MATR3: variants seen among roughly 807,000 people sequenced by gnomAD.
MATR3 encodes matrin 3, also known as matrin-3.
In MATR3, 4 loss-of-function variants were observed where a neutral mutation model predicts 85.5. The observed-to-expected ratio is 0.05, with a 90% CI of 0.02 to 0.11. The LOEUF (loss-of-function observed/expected upper bound fraction) is 0.11. MATR3 is among the 10% of genes least tolerant of loss of function. MATR3 has a pLI of 1.00. For missense variants in MATR3, 685 were observed against 1,016.1 expected, an observed-to-expected ratio of 0.67 and a Z score of 4.43; for synonymous variants, 336 against 343.1, an observed-to-expected ratio of 0.98 and a Z score of 0.23.
chr5:139,301,287 CAA>C (rs1754426402), intron 1 of MATR3, among the ~76,000 whole-genome samples: 1 of 152,076 alleles, frequency 6.6e-6, no homozygotes, highest in Non-Finnish European at 1.5e-5. Flanking sequence ...TTATGGAAGT[CAA>C]GAGAATAGGG....
chr5:139,322,681 C>T lies in MATR3; in HGVS notation c.1862C>T (p.Ser621Leu). ...GATGGTTCCCAGAAGACTGAGAGTT[C>T]AACCGAAGGTAAAGAACAAGAAGAG... ...KTDGSQKTES[S>L]TEGKEQEEKS... Residue 621 changes from serine to leucine, a missense_variant, in exon 12 of 15, where the codon TCA becomes TTA. Physicochemically the swap from Ser to Leu is moderately radical, Grantham distance 145. This residue lies in a region of MATR3 where 215 missense variants were observed against 194.7 expected (regional missense o/e 1.10). Coordinates refer to ENST00000394805, the MANE Select transcript of MATR3 (RefSeq NM_018834.6). 1.2e-6 allele frequency: 2 copies of T among 1,614,108 alleles called. No homozygotes were observed. Among genetic ancestry groups the T allele is most frequent in the Non-Finnish European group, 1.7e-6 (2 of 1,180,012 alleles).
intron 3 of MATR3, among the ~76,000 whole-genome samples, chr5:139,287,417 G>A (rs890813208): frequency 6.6e-6 from 1 of 152,198 alleles, no homozygotes; most frequent in Admixed American, 6.5e-5. Context: ...TCAGGAGTTC[G>A]AGACCAGCCT....
At chr5:139,297,309 A>G (rs1185115735) in intron 1 of MATR3, among the ~76,000 whole-genome samples, 1 of 152,230 alleles carries the variant, frequency 6.6e-6, no homozygotes, top group African/African-American at 2.4e-5. Context: ...GGTTATTCTA[A>G]GGCACAACGC....
chr5:139,311,728 A>G (rs1036202425), intron 2 of MATR3: 4 of 127,886 alleles, frequency 3.1e-5, no homozygotes, highest in African/African-American at 1.3e-4. Flanking sequence ...TAAGTCGTTA[A>G]TTGGTATTTG....
At chr5:139,277,395 T>C (rs896798558) in intron 2 of MATR3, among the ~76,000 whole-genome samples, 1 of 152,060 alleles carries the variant, frequency 6.6e-6, no homozygotes, top group Admixed American at 6.5e-5. Context: ...GGGGAGGATG[T>C]TGGGGGGCAG....
In MATR3 at chr5:139,316,072, C is replaced by A; in HGVS notation, c.1017-4C>A. 1.3e-6 allele frequency: 2 copies of A among 1,595,300 alleles called. No individual in the cohort carries two copies. The highest frequency in any genetic ancestry group is 1.7e-6 in the Non-Finnish European group (2 of 1,163,618). On this transcript the variant is annotated splice_polypyrimidine_tract_variant and splice_region_variant and intron_variant, in intron 4 of 14. Coordinates refer to ENST00000394805, the MANE Select transcript of MATR3 (RefSeq NM_018834.6). The stretch of plus-strand genomic sequence containing the variant: ...ATTTATATTTTATGTCTTCACTTTA[C>A]TAGGGGTGATCCATTCATGTTGCAG...
chr5:139,314,806 G>A, intron 3 of MATR3, 70 bp downstream of exon 3: 1 of 1,397,778 alleles, frequency 7.2e-7, no homozygotes, highest in Non-Finnish European at 1.0e-6. Context: ...GTTTTTGGGA[G>A]TTCATCATTT....
intron 2 of MATR3, chr5:139,310,031 G>A (rs1370621753): frequency 6.6e-6 from 1 of 152,150 alleles, no homozygotes; most frequent in African/African-American, 2.4e-5. Context: ...AAGCTGTTGG[G>A]ACATCATGAA....
chr5:139,321,797 G>A (rs1456260846), intron 9 of MATR3, 101 bp from the exon 10 acceptor site: 5 of 1,212,764 alleles, frequency 4.1e-6, no homozygotes, highest in Admixed American at 2.3e-5. Flanking sequence ...AAGAAAAAAA[G>A]TAATGAAAAT....
chr5:139,307,233 C>T lies in MATR3; in HGVS notation c.-177-6C>T. ...TTTATGACTAAAATTGCTTATTTTT[C>T]TACAGAGTTGTCTGCTGGTTCTCAG... On this transcript the variant is annotated splice_polypyrimidine_tract_variant and splice_region_variant and intron_variant, in intron 1 of 14. Transcript: ENST00000394805. This position sits in a 1 kb window ranked among gnomAD's most constrained non-coding sequence, Gnocchi z 4.4. 1 of 1,284,270 alleles carries T rather than the reference C, an allele frequency of 7.8e-7. No homozygotes were observed. 79.6% of individuals were successfully genotyped at this position (1,284,270 alleles called of 1,614,324 possible).
intron 12 of MATR3, 81 bp downstream of exon 12, chr5:139,323,048 G>T: frequency 7.4e-7 from 1 of 1,345,128 alleles, no homozygotes; most frequent in South Asian, 1.3e-5. Flanking sequence ...AGCAGGATCA[G>T]ATAGAATTAT....
intron 12 of MATR3, among the ~76,000 whole-genome samples, chr5:139,324,948 T>G (rs1581260466): frequency 6.6e-6 from 1 of 151,852 alleles, no homozygotes; most frequent in African/African-American, 2.4e-5. Flanking sequence ...TCCTAGCACT[T>G]TGGGAGGCCG....
At chr5:139,315,875 G>T in intron 4 of MATR3, 137 bp downstream of exon 4, 1 of 842,710 alleles carries the variant, frequency 1.2e-6, no homozygotes. Flanking sequence ...ATTCACTTTG[G>T]TTAACAATTT....
At chr5:139,300,596 C>T (rs1754387364) in intron 1 of MATR3, among the ~76,000 whole-genome samples, 2 of 152,110 alleles carry the variant, frequency 1.3e-5, no homozygotes, top group African/African-American at 4.8e-5. Flanking sequence ...TCAGATTATA[C>T]CAAATGAGAT....
At chr5:139,321,845 T>C (rs1039367628) in intron 9 of MATR3, 53 bp from the exon 10 acceptor site, 3 of 1,579,916 alleles carry the variant, frequency 1.9e-6, no homozygotes, top group South Asian at 1.1e-5. Context: ...TAAGGTTTTA[T>C]ACAATTTTGT....
intron 1 of MATR3, among the ~76,000 whole-genome samples, chr5:139,302,917 C>T (rs900229169): frequency 1.3e-5 from 2 of 152,082 alleles, no homozygotes; most frequent in Admixed American, 6.6e-5. Context: ...CTAGCTGTTG[C>T]TTGTAAGTTT....
At chr5:139,289,738 A>C (rs2151902581), upstream of MATR3, among the ~76,000 whole-genome samples, 1 of 152,318 alleles carries the variant, frequency 6.6e-6, no homozygotes, top group South Asian at 2.1e-4. Context: ...GTTGTGCTGA[A>C]GTCCCTCACG....
chr5:139,328,161 C>G (rs1581265782), intron 14 of MATR3, among the ~76,000 whole-genome samples: 1 of 150,848 alleles, frequency 6.6e-6, no homozygotes, highest in Non-Finnish European at 1.5e-5. Flanking sequence ...CATGCCCGGC[C>G]TATTATTTCC....
At chr5:139,291,660 T>C (rs11746625), upstream of MATR3, among the ~76,000 whole-genome samples, 76,013 of 151,998 alleles carry the variant, frequency 0.5, 23,122 homozygotes, top group Non-Finnish European at 0.68. Context: ...TGCCTCAGCC[T>C]CTCGAGTAGC....
Sources: allele counts gnomAD v4.1 joint callset (sites outside exome capture counted in the v4.1 genomes callset), GRCh38; gene constraint gnomAD v4.1.1; regional missense constraint gnomAD v4.1.1; non-coding constraint Gnocchi (gnomAD v3.1); transcripts MANE v1.5; gene names NCBI Gene and HGNC (gene_info 2026-07-23, HGNC 2026-07-21).